CEP290: variants seen among roughly 807,000 people sequenced by gnomAD.
CEP290 encodes the protein centrosomal protein of 290 kDa.
CEP290 carries 317 observed loss-of-function variants against 344.9 expected under a neutral mutation model. The observed-to-expected ratio is 0.92, with a 90% confidence interval of 0.84 to 1.01. The LOEUF (loss-of-function observed/expected upper bound fraction) is 1.01. Ranked by LOEUF, CEP290 falls within the 50% of genes least tolerant of loss-of-function variation. CEP290 has a pLI of 0.00. For missense variants in CEP290, 2,754 were observed against 2,761.4 expected, an observed-to-expected ratio of 1.00 and a Z score of 0.06; for synonymous variants, 932 against 895.8, an observed-to-expected ratio of 1.04 and a Z score of -0.72.
chr12:88,110,101 A>C (rs1010130314), intron 22 of CEP290, among the ~76,000 whole-genome samples: 1 of 152,170 alleles, frequency 6.6e-6, no homozygotes, highest in African/African-American at 2.4e-5. Context: ...TAATAATTAT[A>C]ACTCAAGTAT....
chr12:88,077,670 C>T, intron 40 of CEP290, 27 bp downstream of exon 40: 1 of 1,261,218 alleles, frequency 7.9e-7, no homozygotes, highest in Non-Finnish European at 1.1e-6. Flanking sequence ...GTAAATCAGA[C>T]ATTATCAGAG....
chr12:88,064,222 A>G (rs2034712918), intron 44 of CEP290, 107 bp from the exon 45 acceptor site: 1 of 920,038 alleles, frequency 1.1e-6, no homozygotes, highest in Admixed American at 3.2e-5. Context: ...TTTTCCTCAA[A>G]GGAATATGAG....
Position 88,114,491 on chromosome 12 carries a change from T to G in CEP290, c.1981A>C (p.Met661Leu). Residue 661 changes from methionine (M) to leucine (L), a missense_variant, in exon 20 of 54, where the codon ATG becomes CTG. Transcript: ENST00000552810. ...MKEILQAIKE[M>L]QKDPDVKGGE... ...CCTTTAACATCAGGATCTTTCTGCA[T>G]TTCCTTAATTGCTTGCAATATTTCT... 1 of 1,547,912 alleles carries G rather than the reference T, an allele frequency of 6.5e-7. No homozygotes were observed. Among genetic ancestry groups the G allele is most frequent in the Non-Finnish European group, 8.7e-7 (1 of 1,145,074 alleles).
At chr12:88,140,166 C>T (rs918846613) in intron 3 of CEP290, among the ~76,000 whole-genome samples, 6 of 152,140 alleles carry the variant, frequency 3.9e-5, no homozygotes, top group Non-Finnish European at 8.8e-5. Context: ...CAACATCTCC[C>T]TTTGTAATGT....
chr12:88,066,518 T>C (rs1354045696), intron 44 of CEP290, among the ~76,000 whole-genome samples: 1 of 151,338 alleles, frequency 6.6e-6, no homozygotes, highest in Non-Finnish European at 1.5e-5. Flanking sequence ...TCAAGGCTGG[T>C]CTTTGACTCC....
intron 23 of CEP290, among the ~76,000 whole-genome samples, chr12:88,107,639 T>G (rs1458087351): frequency 6.6e-6 from 1 of 150,614 alleles, no homozygotes; most frequent in African/African-American, 2.4e-5. Flanking sequence ...AGAAGAAGTA[T>G]GCTGTAATCC....
At chr12:88,084,906 G>A in intron 34 of CEP290, 54 bp from the exon 35 acceptor site, 1 of 1,335,556 alleles carries the variant, frequency 7.5e-7, no homozygotes, top group Non-Finnish European at 1.0e-6. Context: ...CCTTTAAAAT[G>A]CTTCATCTGA....
chr12:88,125,526 T>C (rs1434740577), intron 12 of CEP290, among the ~76,000 whole-genome samples, 157 bp from the exon 13 acceptor site: 2 of 152,020 alleles, frequency 1.3e-5, no homozygotes, highest in African/African-American at 4.8e-5. Context: ...TCAACTGTAA[T>C]ACACAATGAT....
intron 50 of CEP290, among the ~76,000 whole-genome samples, 187 bp from the exon 51 acceptor site, chr12:88,054,600 T>C (rs2033851671): frequency 2.0e-5 from 3 of 152,218 alleles, no homozygotes; most frequent in Admixed American, 2.0e-4. Flanking sequence ...ACTGGCATTG[T>C]CCTAGGCACA....
intron 11 of CEP290, among the ~76,000 whole-genome samples, chr12:88,126,828 T>C (rs2039760043): frequency 6.6e-6 from 1 of 152,056 alleles, no homozygotes; most frequent in Non-Finnish European, 1.5e-5. Flanking sequence ...AAAGAAAAGG[T>C]ATCTTGTGTT....
At position 88,114,420 on chromosome 12, in the gene CEP290, A is replaced by G. The variant is rs1320869248; in HGVS notation, c.2052T>C (p.Asn684=). 3 of 1,540,988 alleles carry G rather than the reference A, an allele frequency of 1.9e-6. No homozygotes were observed. Among genetic ancestry groups the G allele is most frequent in the African/African-American group, 2.8e-5 (2 of 72,384 alleles). Reference sequence around the variant, plus strand: ...CATTAACATGAAAAAAATAACTTACATTAACTAGTCTTTCAAGGCTAGGGA... The same window carrying G: ...CATTAACATGAAAAAAATAACTTACGTTAACTAGTCTTTCAAGGCTAGGGA... ...LIIPSLERLV[N]AIESKNAEGI... is the part of the protein sequence containing the mutation. The change falls in exon 20 of 54, where the codon AAT becomes AAC. Residue 684 remains asparagine, a splice_region_variant and synonymous_variant. Transcript: ENST00000552810.
intron 26 of CEP290, 54 bp from the exon 27 acceptor site, chr12:88,097,053 C>T (rs1248863334): frequency 6.0e-6 from 5 of 840,238 alleles, no homozygotes; most frequent in Non-Finnish European, 9.4e-6. Flanking sequence ...AGACCAATAC[C>T]ACAAAATGAC....
intron 39 of CEP290, among the ~76,000 whole-genome samples, chr12:88,078,483 AAAG>A (rs2035951595): frequency 6.6e-6 from 1 of 152,082 alleles, no homozygotes; most frequent in African/African-American, 2.4e-5. Context: ...GAGACAGTAA[AAAG>A]ATCACTGGTT....
At chr12:88,135,294 T>A (rs1235314237) in intron 6 of CEP290, among the ~76,000 whole-genome samples, 5 of 152,110 alleles carry the variant, frequency 3.3e-5, no homozygotes, top group African/African-American at 1.2e-4. Context: ...TGTGTGTGAC[T>A]ATGAAAAAAG....
At chr12:88,052,010 G>A (rs904801732) in intron 52 of CEP290, among the ~76,000 whole-genome samples, 1 of 152,154 alleles carries the variant, frequency 6.6e-6, no homozygotes, top group Non-Finnish European at 1.5e-5. Flanking sequence ...TTAGGGAATG[G>A]TTACTTAACC....
intron 26 of CEP290, among the ~76,000 whole-genome samples, chr12:88,101,957 T>C (rs1320546406): frequency 1.3e-5 from 2 of 152,228 alleles, no homozygotes; most frequent in Non-Finnish European, 2.9e-5. Context: ...CATAATTTAG[T>C]AGGAATCCTG....
rs775402017 is a variant in CEP290 at position 88,089,412 on chromosome 12, C to G, written c.3649G>C (p.Ala1217Pro). ...GTAATTGACTCCAACTTACCAAGAG[C>G]AGTAGCCTCACTCAGTTGAAGAGAG... The part of the protein sequence containing the change: ...NVSLQLSEAT[A>P]LGKLESITSK... Residue 1217 changes from alanine to proline, a missense_variant, in exon 31 of 54, where the codon GCT becomes CCT. Transcript: ENST00000552810. 3 of 1,610,484 alleles carry G rather than the reference C, an allele frequency of 1.9e-6. No homozygotes were observed. Among genetic ancestry groups the G allele is most frequent in the Non-Finnish European group, 2.5e-6 (3 of 1,177,954 alleles).
chr12:88,131,451 C>T (rs1209000694), intron 6 of CEP290, among the ~76,000 whole-genome samples: 5 of 151,770 alleles, frequency 3.3e-5, no homozygotes, highest in Non-Finnish European at 4.4e-5. Flanking sequence ...TTAGTAGAGA[C>T]GGGGTTTCAC....
Position 88,089,339 on chromosome 12 carries a change from T to C in CEP290, c.3722A>G (p.Lys1241Arg), listed in dbSNP as rs892089815. 2.5e-6 allele frequency: 4 copies of C among 1,613,836 alleles called. No homozygotes were observed. The highest frequency in any genetic ancestry group is 3.3e-5 in the Admixed American group (2 of 60,004). ...GAGAGCCTGTTCTTTTTCATCAAGT[T>C]TCTGCTCTAAGCGCAAGTTGTAGGC... ...MEAYNLRLEQKLDEKEQALYY... is the reference protein window; with the variant it reads ...MEAYNLRLEQRLDEKEQALYY... Residue 1241 changes from lysine to arginine, a missense_variant, in exon 31 of 54, where the codon AAA becomes AGA. Lys to Arg is a conservative substitution (Grantham distance 26, BLOSUM62 2). Transcript: ENST00000552810.
Sources: gnomAD v4.1 joint callset for allele counts (sites outside exome capture counted in the v4.1 genomes callset) on GRCh38, gnomAD v4.1.1 for gene constraint, MANE v1.5 for transcripts, NCBI Gene and HGNC (gene_info 2026-07-23, HGNC 2026-07-21) for gene names.